The following PARD3 variants were observed in gnomAD, a reference collection of about 807,000 sequenced individuals.
The protein encoded by PARD3 is partitioning defective 3 homolog.
Under a neutral mutation model 155.4 loss-of-function variants are expected in PARD3, and 75 were observed. The ratio of observed to expected loss-of-function variants is 0.48; its 90% CI spans 0.40 to 0.58. The LOEUF is 0.58. PARD3 is among the 20% of genes least tolerant of loss of function. PARD3 has a pLI of 0.00. For missense variants in PARD3, 1,642 were observed against 1,721.7 expected, an observed-to-expected ratio of 0.95 and a Z score of 0.82; for synonymous variants, 576 against 610.5, an observed-to-expected ratio of 0.94 and a Z score of 0.83.
At chr10:34,616,932 A>C (rs1395977288) in intron 2 of PARD3, among the ~76,000 whole-genome samples, 1 of 134,634 alleles carries the variant, frequency 7.4e-6, no homozygotes, top group Non-Finnish European at 1.5e-5. Flanking sequence ...ACCTGTCTCA[A>C]AAAAAAAAAA....
At chr10:34,498,902 A>G (rs1333610242) in intron 3 of PARD3, among the ~76,000 whole-genome samples, 1 of 152,246 alleles carries the variant, frequency 6.6e-6, no homozygotes, top group Admixed American at 6.5e-5. Flanking sequence ...ACTGCAACAC[A>G]TACACACACT....
intron 2 of PARD3, among the ~76,000 whole-genome samples, chr10:34,682,458 C>T (rs1238255192): frequency 6.6e-6 from 1 of 152,092 alleles, no homozygotes; most frequent in Non-Finnish European, 1.5e-5. Flanking sequence ...ACCATGCTCT[C>T]TATAAATTCA....
Position 34,655,035 on chromosome 10 carries a change from A to G in PARD3, c.222+41283T>C, listed in dbSNP as rs561629739. On this transcript the variant is annotated intron_variant, in intron 2 of 24. Transcript: ENST00000374788. Reference sequence around the variant, plus strand: ...CAACATTTCCACCCACCATTTGCTGAGCACGTCAACAACTTTTACAGTAAT... The same window carrying G: ...CAACATTTCCACCCACCATTTGCTGGGCACGTCAACAACTTTTACAGTAAT... Among the ~76,000 whole-genome samples the G allele has an allele frequency of 3.3e-5, 5 of 151,734 alleles. 1 individual carries two copies. Among genetic ancestry groups the G allele is most frequent in the African/African-American group, 1.2e-4 (5 of 41,260 alleles).
At chr10:34,801,156 G>A (rs868788031) in intron 1 of PARD3, among the ~76,000 whole-genome samples, 3 of 152,124 alleles carry the variant, frequency 2.0e-5, no homozygotes, top group Non-Finnish European at 2.9e-5. Context: ...AGAGACAGAC[G>A]CACAAAAATA....
intron 3 of PARD3, among the ~76,000 whole-genome samples, chr10:34,481,786 T>A (rs759415194): frequency 7.9e-5 from 12 of 151,322 alleles, no homozygotes; most frequent in Non-Finnish European, 1.2e-4. Flanking sequence ...TCATTTACTG[T>A]AGAAAAGTAG....
intron 22 of PARD3, among the ~76,000 whole-genome samples, chr10:34,264,142 T>C (rs1302775408): frequency 6.6e-6 from 1 of 152,168 alleles, no homozygotes; most frequent in Non-Finnish European, 1.5e-5. Context: ...ACACAACCAA[T>C]CTATTTTTCA....
chr10:34,799,289 G>A (rs551287159), intron 1 of PARD3, among the ~76,000 whole-genome samples: 19 of 152,058 alleles, frequency 1.2e-4, no homozygotes, highest in Admixed American at 9.8e-4. Context: ...TGATCCACCC[G>A]CCTCGGCCTC....
chr10:34,190,524 G>T (rs574191565), intron 22 of PARD3, among the ~76,000 whole-genome samples: 2 of 152,228 alleles, frequency 1.3e-5, no homozygotes, highest in Non-Finnish European at 2.9e-5. Context: ...TAAACTAAAT[G>T]CCCTTTGAGG....
intron 2 of PARD3, among the ~76,000 whole-genome samples, chr10:34,526,471 C>A (rs1323420471): frequency 6.6e-6 from 1 of 152,198 alleles, no homozygotes; most frequent in East Asian, 1.9e-4. Context: ...GCCCTGCTCT[C>A]CTGCTCCTCT....
At chr10:34,470,644 G>A (rs190934578) in intron 3 of PARD3, among the ~76,000 whole-genome samples, 33 of 152,264 alleles carry the variant, frequency 2.2e-4, no homozygotes, top group Non-Finnish European at 7.4e-5. Flanking sequence ...GTTAAACAGT[G>A]CTAGACATAT....
intron 3 of PARD3, among the ~76,000 whole-genome samples, chr10:34,484,061 C>T (rs1188424013): frequency 6.6e-6 from 1 of 152,190 alleles, no homozygotes; most frequent in African/African-American, 2.4e-5. Context: ...GCTTGGGCGC[C>T]ATTTTAACAG....
rs573081698 is a variant in PARD3, at chr10:34,363,745, C to T, written c.1708-3486G>A. The stretch of plus-strand genomic sequence containing the variant: ...AATGTCTTTTCTTTAACTCACTCCT[C>T]ATGTCATCTGGGCACAGTCATGTCA... On this transcript the variant is annotated intron_variant, in intron 12 of 24. Coordinates refer to ENST00000374788, the MANE Select transcript of PARD3 (RefSeq NM_001184785.2). Among the ~76,000 whole-genome samples, 171 of 152,312 alleles carry T rather than the reference C, an allele frequency of 1.1e-3. 1 individual carries two copies. Among genetic ancestry groups the T allele is most frequent in the Middle Eastern group, 3.4e-3 (1 of 294 alleles).
At chr10:34,225,043 T>C (rs1208711061) in intron 22 of PARD3, among the ~76,000 whole-genome samples, 2 of 152,134 alleles carry the variant, frequency 1.3e-5, no homozygotes, top group African/African-American at 2.4e-5. Flanking sequence ...ATTTTCAAGG[T>C]TTAGAGATGT....
intron 1 of PARD3, among the ~76,000 whole-genome samples, chr10:34,779,091 A>G (rs1399763584): frequency 6.7e-6 from 1 of 150,166 alleles, no homozygotes; most frequent in Non-Finnish European, 1.5e-5. Flanking sequence ...TGGGCGGATC[A>G]CTTGGGGTCA....
intron 4 of PARD3, among the ~76,000 whole-genome samples, chr10:34,456,639 A>C (rs568960569): frequency 6.6e-6 from 1 of 152,212 alleles, no homozygotes; most frequent in African/African-American, 2.4e-5. Flanking sequence ...AACAGGAGTA[A>C]GTAAAAAAAT....
chr10:34,382,929 T>G lies in PARD3; in HGVS notation c.1017-7A>C, dbSNP rs200641330. On this transcript the variant is annotated splice_polypyrimidine_tract_variant and splice_region_variant and intron_variant, in intron 8 of 24. Coordinates refer to ENST00000374788, the MANE Select transcript of PARD3 (RefSeq NM_001184785.2). The stretch of plus-strand genomic sequence containing the variant: ...GCGAAACATATGTTGTGCTCTGGGT[T>G]TGAGAAAGAATAGAAAATTAGCAAA... 1,039 of 1,611,460 alleles carry G rather than the reference T, an allele frequency of 6.4e-4. 1 individual carries two copies. The highest frequency in any genetic ancestry group is 8.2e-4 in the Non-Finnish European group (962 of 1,179,338).
chr10:34,529,561 C>A (rs1203639123), intron 2 of PARD3, among the ~76,000 whole-genome samples: 2 of 152,124 alleles, frequency 1.3e-5, no homozygotes, highest in East Asian at 1.9e-4. Context: ...TTTTGACTCA[C>A]CAAAAACTTA....
At chr10:34,481,429 T>C (rs2079076179) in intron 3 of PARD3, among the ~76,000 whole-genome samples, 2 of 152,184 alleles carry the variant, frequency 1.3e-5, no homozygotes, top group East Asian at 1.9e-4. Context: ...GAGGCAATGA[T>C]GTAAATGACC....
chr10:34,138,087 C>G (rs769804006), intron 22 of PARD3, among the ~76,000 whole-genome samples: 1 of 152,132 alleles, frequency 6.6e-6, no homozygotes, highest in Non-Finnish European at 1.5e-5. Flanking sequence ...ACAAATGGTG[C>G]TTGTTGCAAA....
Sources: allele counts gnomAD v4.1 joint callset (sites outside exome capture counted in the v4.1 genomes callset), GRCh38; gene constraint gnomAD v4.1.1; transcripts MANE v1.5; gene names NCBI Gene and HGNC (gene_info 2026-07-23, HGNC 2026-07-21).